Variants in IL23R observed in about 807,000 individuals in gnomAD.
IL23R encodes interleukin 23 receptor, also known as interleukin-23 receptor.
In IL23R, 34 loss-of-function variants were observed where a neutral mutation model predicts 56.9. That is an observed-to-expected ratio of 0.60 (90% CI 0.45 to 0.80). IL23R has a LOEUF of 0.80. Among genes scored for constraint, IL23R ranks in the 30% least tolerant of loss-of-function variants. The pLI is 0.00. For synonymous variants in IL23R, 230 were observed against 249.2 expected (o/e 0.92, Z 0.73); for missense variants, 635 against 730.0 (o/e 0.87, Z 1.50).
intron 6 of IL23R, among the ~76,000 whole-genome samples, chr1:67,213,998 T>A (rs897173643): frequency 6.6e-6 from 1 of 152,158 alleles, no homozygotes; most frequent in Non-Finnish European, 1.5e-5. Context: ...TAGTAAAGGC[T>A]CAGAGATAGC....
chr1:67,158,812 A>T (rs965783586), intron 1 of IL23R, among the ~76,000 whole-genome samples: 5 of 151,686 alleles, frequency 3.3e-5, no homozygotes, highest in Admixed American at 3.3e-4. Flanking sequence ...GTGGGAGATG[A>T]TTGGATCATG....
At chr1:67,177,080 G>A (rs1387463708) in intron 3 of IL23R, among the ~76,000 whole-genome samples, 5 of 152,116 alleles carry the variant, frequency 3.3e-5, no homozygotes, top group African/African-American at 9.7e-5. Context: ...ATAAACATAC[G>A]TGTGCATGTG....
intron 6 of IL23R, among the ~76,000 whole-genome samples, chr1:67,215,702 G>A (rs1649788127): frequency 1.3e-5 from 2 of 152,194 alleles, no homozygotes; most frequent in Admixed American, 6.5e-5. Context: ...CAGTTCGTGT[G>A]AGGAGAGGAA....
intron 6 of IL23R, among the ~76,000 whole-genome samples, chr1:67,218,643 G>T (rs952749665): frequency 6.7e-6 from 1 of 149,652 alleles, no homozygotes; most frequent in East Asian, 1.9e-4. Context: ...CAAAATTAAG[G>T]CTGGGTATGG....
In IL23R at chr1:67,222,367, T is replaced by G. The variant is rs1650340702; in HGVS notation, c.955+2637T>G. On this transcript the variant is annotated intron_variant, in intron 7 of 10. Coordinates refer to ENST00000347310, the MANE Select transcript of IL23R (RefSeq NM_144701.3). ...CACGACCTCAGGTGATCCGCCCGCT[T>G]TGGCCTCCCAAAGTGCTGGGATTAC... 2.0e-5 allele frequency among the ~76,000 whole-genome samples: 3 copies of G among 152,196 alleles called. No individual in the cohort carries two copies. The South Asian group carries it at 6.2e-4, about 31-fold the overall frequency.
intron 1 of IL23R, among the ~76,000 whole-genome samples, chr1:67,157,532 T>C (rs1646779869): frequency 6.6e-6 from 1 of 152,192 alleles, no homozygotes; most frequent in Non-Finnish European, 1.5e-5. Flanking sequence ...CCCCATTTCC[T>C]TTTATTCATC....
chr1:67,249,695 T>G (rs1006440517), intron 9 of IL23R, among the ~76,000 whole-genome samples: 1 of 152,192 alleles, frequency 6.6e-6, no homozygotes, highest in Non-Finnish European at 1.5e-5. Flanking sequence ...CTTTGGATGC[T>G]CCAAGGGCCC....
chr1:67,260,331 T>TG (rs1653162269), downstream of IL23R, among the ~76,000 whole-genome samples: 1 of 152,208 alleles, frequency 6.6e-6, no homozygotes, highest in African/African-American at 2.4e-5. Flanking sequence ...AGGTAACAGA[T>TG]GCAGGATCAG....
chr1:67,245,945 T>A (rs564020982), intron 9 of IL23R, among the ~76,000 whole-genome samples: 4 of 152,262 alleles, frequency 2.6e-5, no homozygotes, highest in Admixed American at 1.3e-4. Context: ...GGTCCTGGAC[T>A]TTTTTTGATT....
intron 9 of IL23R, among the ~76,000 whole-genome samples, chr1:67,249,390 T>C (rs1259758122): frequency 6.6e-6 from 1 of 152,194 alleles, no homozygotes; most frequent in Non-Finnish European, 1.5e-5. Flanking sequence ...TCCGTGTTTG[T>C]GAAGTTTTCA....
At chr1:67,205,308 GATA>G (rs1224045896) in intron 5 of IL23R, among the ~76,000 whole-genome samples, 1 of 152,134 alleles carries the variant, frequency 6.6e-6, no homozygotes, top group African/African-American at 2.4e-5. Context: ...CATAATTTTA[GATA>G]ATAATAGTAT....
At chr1:67,179,229 T>G (rs571456482) in intron 3 of IL23R, among the ~76,000 whole-genome samples, 1 of 152,344 alleles carries the variant, frequency 6.6e-6, no homozygotes, top group African/African-American at 2.4e-5. Flanking sequence ...AGAATTTGTC[T>G]GTGAATCCAT....
intron 6 of IL23R, among the ~76,000 whole-genome samples, chr1:67,213,990 G>T (rs1649664839): frequency 6.6e-6 from 1 of 152,154 alleles, no homozygotes. Context: ...ACAGATTTTA[G>T]TAAAGGCTCA....
chr1:67,156,593 C>T (rs1646771837), intron 1 of IL23R, among the ~76,000 whole-genome samples: 1 of 152,236 alleles, frequency 6.6e-6, no homozygotes, highest in South Asian at 2.1e-4. Context: ...CCAAACCTCC[C>T]AGTCTCCTTA....
chr1:67,244,764 CT>C lies in IL23R; in HGVS notation c.1148+4488del, dbSNP rs1652099850. Among the ~76,000 whole-genome samples the C allele has an allele frequency of 2.0e-5, 3 of 152,216 alleles. No homozygotes were observed. The East Asian group carries it at 5.8e-4, about 29-fold the overall frequency. On this transcript the variant is annotated intron_variant, in intron 9 of 10. Transcript: ENST00000347310. ...ATAGCGTGATGCCTCCAGGTTTGTT[CT>C]TTTTGCTTAGAATTGTCTTGGCTAT...
At chr1:67,206,791 G>A in intron 5 of IL23R, 119 bp from the exon 6 acceptor site, 1 of 1,134,652 alleles carries the variant, frequency 8.8e-7, no homozygotes, top group Non-Finnish European at 1.2e-6. Context: ...ATTAGACCAT[G>A]AATTTTATTT....
At chr1:67,242,164 G>A (rs369221049) in intron 9 of IL23R, among the ~76,000 whole-genome samples, 1 of 152,300 alleles carries the variant, frequency 6.6e-6, no homozygotes, top group South Asian at 2.1e-4. Context: ...CCTGCTAGAA[G>A]AGTGAAGGCC....
intron 7 of IL23R, among the ~76,000 whole-genome samples, chr1:67,234,804 T>A (rs1651358233): frequency 6.9e-6 from 1 of 145,042 alleles, no homozygotes; most frequent in Non-Finnish European, 1.5e-5. Flanking sequence ...GCCTCCTGGG[T>A]TCAAGTGATT....
chr1:67,228,000 T>A (rs992068184), intron 7 of IL23R, among the ~76,000 whole-genome samples: 1 of 104,368 alleles, frequency 9.6e-6, no homozygotes, highest in Non-Finnish European at 2.1e-5. Flanking sequence ...CTTTCTTTCT[T>A]TCTTTCTTTC....
Sources: allele counts gnomAD v4.1 joint callset (sites outside exome capture counted in the v4.1 genomes callset), GRCh38; gene constraint gnomAD v4.1.1; transcripts MANE v1.5; gene names NCBI Gene and HGNC (gene_info 2026-07-23, HGNC 2026-07-21).